Variants in SHISAL1 observed in about 807,000 individuals in gnomAD.
SHISAL1 encodes shisa like 1, also known as protein shisa-like-1.
SHISAL1 carries 9 observed loss-of-function variants against 22.6 expected under a neutral mutation model. That is an observed-to-expected ratio of 0.40 (90% CI 0.24 to 0.70). The LOEUF is 0.70. Ranked by LOEUF, SHISAL1 falls within the 30% of genes least tolerant of loss-of-function variation. SHISAL1 has a pLI of 0.39. For missense variants in SHISAL1, 246 were observed against 270.6 expected (o/e 0.91, Z 0.64); for synonymous variants, 119 against 115.4 (o/e 1.03, Z -0.20).
intron 4 of SHISAL1, among the ~76,000 whole-genome samples, chr22:44,262,501 T>C (rs2055131982): frequency 6.6e-6 from 1 of 152,190 alleles, no homozygotes; most frequent in Non-Finnish European, 1.5e-5. Flanking sequence ...GTGTGGAGCC[T>C]CAGTTCTCTC....
chr22:44,268,244 T>C (rs1251714411), intron 4 of SHISAL1, among the ~76,000 whole-genome samples: 1 of 152,220 alleles, frequency 6.6e-6, no homozygotes, highest in Non-Finnish European at 1.5e-5. Flanking sequence ...TGCTCTGAGA[T>C]GCTGTCCTTT....
intron 4 of SHISAL1, among the ~76,000 whole-genome samples, chr22:44,275,000 G>A (rs2055229822): frequency 6.6e-6 from 1 of 152,208 alleles, no homozygotes; most frequent in South Asian, 2.1e-4. Context: ...TTGCCCACTG[G>A]CCCGTAGACA....
chr22:44,291,905 G>A (rs758064098), intron 3 of SHISAL1, among the ~76,000 whole-genome samples: 1 of 152,074 alleles, frequency 6.6e-6, no homozygotes, highest in South Asian at 2.1e-4. Flanking sequence ...CCCTGGCATG[G>A]GAAGGAGGGC....
intron 4 of SHISAL1, among the ~76,000 whole-genome samples, chr22:44,259,898 A>T (rs1291913822): frequency 6.6e-6 from 1 of 152,090 alleles, no homozygotes; most frequent in African/African-American, 2.4e-5. Context: ...CCTCTCCACC[A>T]GGCGCTCCCT....
intron 2 of SHISAL1, among the ~76,000 whole-genome samples, chr22:44,298,649 C>G (rs568288679): frequency 3.9e-5 from 6 of 152,228 alleles, no homozygotes; most frequent in Non-Finnish European, 8.8e-5. Context: ...CTGGGACCAG[C>G]CCGTGAGGCT....
upstream of SHISAL1, among the ~76,000 whole-genome samples, chr22:44,313,483 C>A (rs143696936): frequency 0.011 from 1,674 of 152,346 alleles, 40 homozygotes; most frequent in African/African-American, 0.037. Context: ...TGCCCCCCTA[C>A]CCCTGGCCTG....
chr22:44,250,060 T>G (rs1430804392), intron 4 of SHISAL1, among the ~76,000 whole-genome samples: 1 of 152,184 alleles, frequency 6.6e-6, no homozygotes, highest in Non-Finnish European at 1.5e-5. Flanking sequence ...CTATAAGACA[T>G]CAGATCAATT....
chr22:44,318,510 G>C, the SHISAL1 span, among the ~76,000 whole-genome samples: 4 of 152,222 alleles, frequency 2.6e-5, no homozygotes, highest in African/African-American at 9.6e-5. Context: ...GGACGTGCAG[G>C]CTGGCCTGGG....
intron 4 of SHISAL1, among the ~76,000 whole-genome samples, chr22:44,252,863 T>C (rs908092294): frequency 6.6e-6 from 1 of 151,670 alleles, no homozygotes. Flanking sequence ...GGCGTGGTGG[T>C]GGGTGCCTGC....
intron 4 of SHISAL1, among the ~76,000 whole-genome samples, chr22:44,272,707 G>A (rs745619699): frequency 3.3e-5 from 5 of 152,196 alleles, no homozygotes; most frequent in African/African-American, 4.8e-5. Context: ...GAGCTGCAAA[G>A]GGCCGATGAA....
chr22:44,309,962 A>C (rs2055506495), intron 1 of SHISAL1, among the ~76,000 whole-genome samples: 1 of 152,214 alleles, frequency 6.6e-6, no homozygotes, highest in Non-Finnish European at 1.5e-5. Flanking sequence ...GCAGGAGAGA[A>C]CTAGGACATC....
At chr22:44,297,887 G>A (rs141130167) in intron 2 of SHISAL1, among the ~76,000 whole-genome samples, 1 of 152,314 alleles carries the variant, frequency 6.6e-6, no homozygotes, top group African/African-American at 2.4e-5. Context: ...CCTCCAGCTC[G>A]TTGAAAGCTC....
intron 1 of SHISAL1, among the ~76,000 whole-genome samples, chr22:44,307,160 C>T (rs1315811559): frequency 6.6e-6 from 1 of 152,164 alleles, no homozygotes; most frequent in Non-Finnish European, 1.5e-5. Context: ...CTCCTGTGGG[C>T]CTTGTGCTGC....
the SHISAL1 span, among the ~76,000 whole-genome samples, chr22:44,321,842 C>T: frequency 1.3e-5 from 2 of 152,174 alleles, no homozygotes; most frequent in Non-Finnish European, 2.9e-5. Flanking sequence ...AGTCAAAGAA[C>T]AACCAAGGAG....
intron 1 of SHISAL1, among the ~76,000 whole-genome samples, chr22:44,302,060 GT>G (rs995896503): frequency 9.2e-5 from 14 of 152,318 alleles, no homozygotes; most frequent in African/African-American, 3.4e-4. Context: ...TTAAAGTACA[GT>G]GGCCCACACC....
chr22:44,279,922 G>C (rs568067031), intron 4 of SHISAL1, among the ~76,000 whole-genome samples: 1 of 152,316 alleles, frequency 6.6e-6, no homozygotes, highest in Admixed American at 6.5e-5. Context: ...CAAGACCCAG[G>C]GGATTTGGAT....
intron 3 of SHISAL1, among the ~76,000 whole-genome samples, chr22:44,294,187 C>G (rs1252705241): frequency 6.6e-6 from 1 of 152,182 alleles, no homozygotes; most frequent in Non-Finnish European, 1.5e-5. Context: ...TGATTGCAGC[C>G]CTGATATGAT....
At chr22:44,288,310 T>G (rs1193931787) in intron 3 of SHISAL1, among the ~76,000 whole-genome samples, 1 of 152,170 alleles carries the variant, frequency 6.6e-6, no homozygotes, top group African/African-American at 2.4e-5. Flanking sequence ...GCACACTGCC[T>G]TGGCTGCGGC....
chr22:44,316,715 C>T (rs758142604), upstream of SHISAL1, among the ~76,000 whole-genome samples: 2 of 152,184 alleles, frequency 1.3e-5, no homozygotes, highest in African/African-American at 2.4e-5. Context: ...TGCAGGCTCT[C>T]GCGCCACCCT....
Sources: gnomAD v4.1 joint callset for allele counts (sites outside exome capture counted in the v4.1 genomes callset) on GRCh38, gnomAD v4.1.1 for gene constraint, MANE v1.5 for transcripts, NCBI Gene and HGNC (gene_info 2026-07-23, HGNC 2026-07-21) for gene names.